The following ZNF236 variants were observed in gnomAD, a reference collection of about 807,000 sequenced individuals.
ZNF236 encodes regulated by glucose.
Under a neutral mutation model 191.2 loss-of-function variants are expected in ZNF236, and 50 were observed. That is an observed-to-expected ratio of 0.26 (90% CI 0.21 to 0.33). ZNF236 has a LOEUF of 0.33. Ranked by LOEUF, ZNF236 falls within the 10% of genes least tolerant of loss-of-function variation. The probability of loss-of-function intolerance (pLI) is 1.00; values close to 1 mark genes in which losing one functional copy is unlikely to be tolerated. For missense variants in ZNF236, 1,754 were observed against 2,374.5 expected, an observed-to-expected ratio of 0.74 and a Z score of 5.43; for synonymous variants, 907 against 928.8, an observed-to-expected ratio of 0.98 and a Z score of 0.43.
intron 1 of ZNF236, among the ~76,000 whole-genome samples, chr18:76,837,405 A>G (rs1256009176): frequency 6.7e-6 from 1 of 149,964 alleles, no homozygotes; most frequent in Non-Finnish European, 1.5e-5. Context: ...TATGAAGTGA[A>G]GGTCTGAATT....
chr18:76,922,964 C>T, intron 20 of ZNF236, 107 bp from the exon 21 acceptor site: 3 of 820,282 alleles, frequency 3.7e-6, no homozygotes, highest in South Asian at 1.7e-5. Context: ...TTTTCTTGGC[C>T]AAACTTAAGC....
intron 27 of ZNF236, among the ~76,000 whole-genome samples, chr18:76,950,940 T>A (rs1480786919): frequency 2.6e-5 from 4 of 152,206 alleles, no homozygotes; most frequent in Non-Finnish European, 5.9e-5. Flanking sequence ...TCTTTGTACA[T>A]CTCCATCACA....
intron 20 of ZNF236, among the ~76,000 whole-genome samples, chr18:76,920,633 C>T (rs1489625147): frequency 6.6e-6 from 1 of 151,686 alleles, no homozygotes; most frequent in Non-Finnish European, 1.5e-5. Flanking sequence ...ACAATGAAAA[C>T]AAATGTATCC....
intron 1 of ZNF236, among the ~76,000 whole-genome samples, chr18:76,844,434 G>A (rs11661544): frequency 0.19 from 29,378 of 152,004 alleles, 3,382 homozygotes; most frequent in Middle Eastern, 0.28. Context: ...AGGGGGTGAC[G>A]GAGTAGGGTT....
In ZNF236 at chr18:76,843,717, A is replaced by G. The variant is rs561973153; in HGVS notation, c.56-5809A>G. Among the ~76,000 whole-genome samples the G allele has an allele frequency of 5.1e-5, 7 of 136,762 alleles. No homozygotes were observed. The South Asian group carries it at 1.8e-3, about 35-fold the overall frequency. 89.7% of individuals were successfully genotyped at this position (136,762 alleles called of 152,430 possible). On this transcript the variant is annotated intron_variant, in intron 1 of 30. Coordinates refer to ENST00000320610, the MANE Select transcript of ZNF236 (RefSeq NM_001306089.2). ...CTTGAACCTGGGAAGTGGAGGTTGC[A>G]GTGAGCCAAGATTGCACCACTGCAC...
intron 27 of ZNF236, among the ~76,000 whole-genome samples, chr18:76,949,422 T>C (rs1218509647): frequency 6.6e-6 from 1 of 152,206 alleles, no homozygotes; most frequent in East Asian, 1.9e-4. Context: ...AAACTTGGTC[T>C]AGCTTGTAAT....
chr18:76,866,051 T>C (rs1416606848), intron 3 of ZNF236, among the ~76,000 whole-genome samples: 1 of 152,216 alleles, frequency 6.6e-6, no homozygotes, highest in Non-Finnish European at 1.5e-5. Context: ...TACTGTAGTT[T>C]TTAAATCACT....
intron 30 of ZNF236, among the ~76,000 whole-genome samples, chr18:76,966,783 C>G (rs1343247559): frequency 6.6e-6 from 1 of 152,220 alleles, no homozygotes; most frequent in African/African-American, 2.4e-5. Flanking sequence ...GTCCCTTGTT[C>G]ACCTTTGTTT....
chr18:76,869,960 A>T (rs552788590), intron 4 of ZNF236, among the ~76,000 whole-genome samples: 155 of 152,372 alleles, frequency 1.0e-3, no homozygotes, highest in African/African-American at 3.6e-3. Context: ...TGTCTCCAAA[A>T]AAAATAAAAT....
intron 11 of ZNF236, among the ~76,000 whole-genome samples, chr18:76,902,382 T>C (rs1223289983): frequency 3.9e-5 from 6 of 152,096 alleles, no homozygotes; most frequent in East Asian, 3.8e-4. Context: ...TAAGTGAAAG[T>C]AGAATGCTCA....
Position 76,925,690 on chromosome 18 carries a change from G to T in ZNF236, c.4027+136G>T. The T allele has an allele frequency of 7.8e-7, 1 of 1,276,838 alleles. No individual in the cohort carries two copies. The highest frequency in any genetic ancestry group is 1.0e-6 in the Non-Finnish European group (1 of 958,106). 79.1% of individuals were successfully genotyped at this position (1,276,838 alleles called of 1,614,324 possible). On this transcript the variant is annotated intron_variant, in intron 22 of 30. Coordinates refer to ENST00000320610, the MANE Select transcript of ZNF236 (RefSeq NM_001306089.2). The surrounding 1 kb of genome is among the most constrained non-coding windows in gnomAD (Gnocchi z 5.7). ...CCTTCTTTGAGCCTTTTCCTTATAA[G>T]GCATTCGGAAAAATTGGAATTCCGT...
intron 27 of ZNF236, among the ~76,000 whole-genome samples, chr18:76,949,661 CTTT>C (rs779360324): frequency 5.6e-5 from 8 of 141,664 alleles, no homozygotes; most frequent in Admixed American, 1.4e-4. Context: ...CATTATTTCT[CTTT>C]TTTTTTTTTT....
At chr18:76,937,504 A>G (rs1484236752) in intron 26 of ZNF236, among the ~76,000 whole-genome samples, 161 bp downstream of exon 26, 1 of 152,184 alleles carries the variant, frequency 6.6e-6, no homozygotes, top group Non-Finnish European at 1.5e-5. Flanking sequence ...ATAAAAGGGG[A>G]TAAAAATTCA....
intron 19 of ZNF236, among the ~76,000 whole-genome samples, chr18:76,917,381 A>G (rs950808052): frequency 1.3e-5 from 2 of 152,196 alleles, no homozygotes; most frequent in Admixed American, 6.5e-5. Flanking sequence ...TTTCCTGTCA[A>G]TTAATAAAGC....
intron 25 of ZNF236, among the ~76,000 whole-genome samples, chr18:76,931,503 A>G (rs1314655485): frequency 6.6e-6 from 1 of 151,982 alleles, no homozygotes; most frequent in African/African-American, 2.4e-5. Flanking sequence ...TCGTATATTT[A>G]TACAAGTTAG....
chr18:76,904,223 A>G lies in ZNF236; in HGVS notation c.1895-157A>G, dbSNP rs1459993000. ...ATGTTTCCCCATAGGTATTCTTTGA[A>G]TAGCCAGTTCCTAACACAATTAAAA... On this transcript the variant is annotated intron_variant, in intron 11 of 30. Coordinates refer to ENST00000320610, the MANE Select transcript of ZNF236 (RefSeq NM_001306089.2). Among the ~76,000 whole-genome samples, 3 of 152,010 alleles carry G rather than the reference A, an allele frequency of 2.0e-5. No homozygotes were observed. In the East Asian group the frequency reaches 5.8e-4, roughly 29 times the overall value.
intron 19 of ZNF236, among the ~76,000 whole-genome samples, chr18:76,918,125 G>A (rs1186842067): frequency 6.6e-6 from 1 of 152,068 alleles, no homozygotes; most frequent in African/African-American, 2.4e-5. Context: ...TTTTCAGTCA[G>A]TCATACAATA....
intron 1 of ZNF236, among the ~76,000 whole-genome samples, chr18:76,825,368 C>T (rs1310447107): frequency 2.0e-5 from 3 of 152,134 alleles, no homozygotes; most frequent in Non-Finnish European, 4.4e-5. Flanking sequence ...GACTGTTAGG[C>T]TTTTTCACTC....
rs1367492881 is a variant in ZNF236, at chr18:76,927,373, C to T, written c.4270C>T (p.Leu1424Phe). ...EPGLAPQNSS[L>F]QTSDSTVPAS... is the part of the protein sequence containing the mutation. ...TGGCCTGGCCCCACAGAACAGCTCTCTCCAGACATCGGACAGCACGGTCCC... is the reference window on the plus strand; with the variant it reads ...TGGCCTGGCCCCACAGAACAGCTCTTTCCAGACATCGGACAGCACGGTCCC... The change falls in exon 24 of 31, where the codon CTC becomes TTC. Residue 1424 changes from leucine (L) to phenylalanine (F), a missense_variant. Leu to Phe is a conservative substitution (Grantham distance 22). Transcript: ENST00000320610. This position sits in a 1 kb window ranked among gnomAD's most constrained non-coding sequence, Gnocchi z 5.4. 5 of 1,614,254 alleles carry T rather than the reference C, an allele frequency of 3.1e-6. No individual in the cohort carries two copies. Among genetic ancestry groups the T allele is most frequent in the Non-Finnish European group, 4.2e-6 (5 of 1,180,052 alleles).
Sources: gnomAD v4.1 joint callset for allele counts (sites outside exome capture counted in the v4.1 genomes callset) on GRCh38, gnomAD v4.1.1 for gene constraint, Gnocchi (gnomAD v3.1) non-coding constraint, MANE v1.5 for transcripts, NCBI Gene and HGNC (gene_info 2026-07-23, HGNC 2026-07-21) for gene names.